The following NEK7 variants were observed in gnomAD, a reference collection of about 807,000 sequenced individuals.
NEK7 encodes the protein serine/threonine-protein kinase Nek7.
In NEK7, 18 loss-of-function variants were observed where a neutral mutation model predicts 44.6. The observed-to-expected ratio is 0.40, with a 90% CI of 0.28 to 0.60. NEK7 has a LOEUF of 0.60. Ranked by LOEUF, NEK7 falls within the 20% of genes least tolerant of loss-of-function variation. The probability of loss-of-function intolerance (pLI) is 0.38; values close to 1 mark genes in which losing one functional copy is unlikely to be tolerated. For synonymous variants in NEK7, 130 were observed against 121.1 expected (o/e 1.07, Z -0.48); for missense variants, 256 against 366.5 (o/e 0.70, Z 2.46).
At chr1:198,297,396 T>G (rs924162697) in intron 9 of NEK7, among the ~76,000 whole-genome samples, 156 bp downstream of exon 9, 2 of 152,254 alleles carry the variant, frequency 1.3e-5, no homozygotes, top group African/African-American at 4.8e-5. Flanking sequence ...GGAGACTTGC[T>G]GTCTAAAGAG....
At chr1:198,284,351 C>T (rs1046272131) in intron 7 of NEK7, among the ~76,000 whole-genome samples, 11 of 151,990 alleles carry the variant, frequency 7.2e-5, no homozygotes, top group South Asian at 2.1e-4. Context: ...ATACTATATT[C>T]GGCTTTGTTA....
At chr1:198,272,573 T>G (rs1157801496) in intron 5 of NEK7, among the ~76,000 whole-genome samples, 2 of 151,860 alleles carry the variant, frequency 1.3e-5, no homozygotes, top group Non-Finnish European at 3.0e-5. Flanking sequence ...TATTTCTGTT[T>G]ATCTTTGTGA....
At chr1:198,313,867 T>TA (rs1433251333) in intron 9 of NEK7, among the ~76,000 whole-genome samples, 1 of 152,146 alleles carries the variant, frequency 6.6e-6, no homozygotes, top group Non-Finnish European at 1.5e-5. Flanking sequence ...TGGCTGCCCC[T>TA]AACATTTTTT....
At chr1:198,174,403 G>A (rs1031045141) in intron 1 of NEK7, among the ~76,000 whole-genome samples, 1 of 151,900 alleles carries the variant, frequency 6.6e-6, no homozygotes, top group South Asian at 2.1e-4. Flanking sequence ...CAAGTATTAT[G>A]CTTCGTTTCT....
intron 1 of NEK7, among the ~76,000 whole-genome samples, chr1:198,194,193 G>T (rs779404040): frequency 3.3e-5 from 5 of 152,100 alleles, no homozygotes; most frequent in African/African-American, 1.2e-4. Context: ...AGATGTTTAG[G>T]AGAGAGGTTG....
chr1:198,169,604 T>C (rs1664375531), intron 1 of NEK7, among the ~76,000 whole-genome samples: 1 of 151,606 alleles, frequency 6.6e-6, no homozygotes, highest in South Asian at 2.1e-4. Context: ...TTTTTTTTTT[T>C]TGGAAAATTT....
chr1:198,312,354 A>T (rs199857814), intron 9 of NEK7, among the ~76,000 whole-genome samples: 1 of 141,276 alleles, frequency 7.1e-6, no homozygotes, highest in African/African-American at 2.7e-5. Flanking sequence ...TCTTGCTAGC[A>T]GTCTATCAAT....
At chr1:198,201,708 A>G (rs1665433547) in intron 1 of NEK7, among the ~76,000 whole-genome samples, 1 of 151,834 alleles carries the variant, frequency 6.6e-6, no homozygotes, top group Admixed American at 6.6e-5. Context: ...TTCTGCTCCC[A>G]TTTTCTTCTC....
chr1:198,177,814 A>G (rs561514875), intron 1 of NEK7, among the ~76,000 whole-genome samples: 1 of 152,196 alleles, frequency 6.6e-6, no homozygotes, highest in African/African-American at 2.4e-5. Context: ...GTCTGGTTAA[A>G]GGAGGCCTTT....
chr1:198,197,518 T>G (rs757149681), intron 1 of NEK7, among the ~76,000 whole-genome samples: 1 of 152,172 alleles, frequency 6.6e-6, no homozygotes, highest in African/African-American at 2.4e-5. Flanking sequence ...TTTTCAACAT[T>G]TAGTTTATCA....
intron 8 of NEK7, among the ~76,000 whole-genome samples, chr1:198,296,578 A>G (rs1296003532): frequency 6.6e-6 from 1 of 152,210 alleles, no homozygotes; most frequent in South Asian, 2.1e-4. Context: ...AAGAGTTCTA[A>G]TTCATTGTAA....
intron 3 of NEK7, among the ~76,000 whole-genome samples, chr1:198,259,207 C>T (rs536732198): frequency 2.6e-5 from 4 of 152,030 alleles, no homozygotes; most frequent in Non-Finnish European, 5.9e-5. Flanking sequence ...TTCTATGTAG[C>T]ATGTTTCTAT....
chr1:198,252,528 C>CTATGTATATATA (rs1553253587), intron 2 of NEK7, among the ~76,000 whole-genome samples: 4 of 32,694 alleles, frequency 1.2e-4, no homozygotes, highest in Non-Finnish European at 2.0e-4. Flanking sequence ...ATCTCACATA[C>CTATGTATATATA]TATATATATA....
chr1:198,284,750 C>T (rs1459103935), intron 7 of NEK7, among the ~76,000 whole-genome samples: 2 of 152,102 alleles, frequency 1.3e-5, no homozygotes, highest in African/African-American at 4.8e-5. Context: ...AATATTTAAA[C>T]ATATAAACAG....
At chr1:198,279,724 T>C (rs1654136166) in intron 7 of NEK7, among the ~76,000 whole-genome samples, 1 of 151,924 alleles carries the variant, frequency 6.6e-6, no homozygotes, top group South Asian at 2.1e-4. Context: ...TTTTGAGATA[T>C]GAAATAAAAA....
intron 1 of NEK7, among the ~76,000 whole-genome samples, chr1:198,175,586 A>G (rs1326259391): frequency 6.6e-6 from 1 of 152,204 alleles, no homozygotes; most frequent in African/African-American, 2.4e-5. Flanking sequence ...TGATTTTTCT[A>G]GTATTACAGC....
At chr1:198,231,301 G>GTGTATA (rs1429354895) in intron 1 of NEK7, among the ~76,000 whole-genome samples, 3 of 86,954 alleles carry the variant, frequency 3.5e-5, no homozygotes, top group Non-Finnish European at 6.4e-5. Context: ...ATGTGTGTGT[G>GTGTATA]TATATATATA....
intron 7 of NEK7, among the ~76,000 whole-genome samples, chr1:198,288,921 G>A (rs969672357): frequency 1.3e-5 from 2 of 152,142 alleles, no homozygotes; most frequent in African/African-American, 4.8e-5. Flanking sequence ...AATGTTATCG[G>A]TTGCACTTCA....
At position 198,218,703 on chromosome 1, in the gene NEK7, A is replaced by G. The variant is rs138179782; in HGVS notation, c.-28-13850A>G. Among the ~76,000 whole-genome samples, 163 of 151,450 alleles carry G rather than the reference A, an allele frequency of 1.1e-3. 1 individual carries two copies. The highest frequency in any genetic ancestry group is 3.7e-3 in the African/African-American group (155 of 41,334). ...GACTGATATGCGGAATATACAAATAAATCAGCAAGAAAAAAATCCAATTAA... is the reference window on the plus strand; with the variant it reads ...GACTGATATGCGGAATATACAAATAGATCAGCAAGAAAAAAATCCAATTAA... On this transcript the variant is annotated intron_variant, in intron 1 of 9. Transcript: ENST00000367385.
Sources: allele counts gnomAD v4.1 joint callset (sites outside exome capture counted in the v4.1 genomes callset), GRCh38; gene constraint gnomAD v4.1.1; transcripts MANE v1.5; gene names NCBI Gene and HGNC (gene_info 2026-07-23, HGNC 2026-07-21).